Variants in AFF2 observed in about 807,000 individuals in gnomAD.
The protein encoded by AFF2 is AF4/FMR2 family member 2.
Under a neutral mutation model 76.9 loss-of-function variants are expected in AFF2, and 14 were observed. That is an observed-to-expected ratio of 0.18 (90% CI 0.12 to 0.28). The LOEUF is 0.28. Ranked by LOEUF, AFF2 falls within the 10% of genes least tolerant of loss-of-function variation. The probability of loss-of-function intolerance (pLI) is 1.00; values close to 1 mark genes in which losing one functional copy is unlikely to be tolerated. For synonymous variants in AFF2, 398 were observed against 366.7 expected (o/e 1.09, Z -0.98); for missense variants, 868 against 1,001.1 (o/e 0.87, Z 1.79).
At chrX:148,652,269 AT>A (rs1220165295) in intron 2 of AFF2, 138 bp downstream of exon 2, 6 of 457,710 alleles carry the variant, frequency 1.3e-5, no homozygotes, top group Non-Finnish European at 2.2e-5. Flanking sequence ...CATACACTGT[AT>A]TTGAGGCAAC....
chrX:148,517,558 C>A (rs1557233966), intron 1 of AFF2, among the ~76,000 whole-genome samples: 1 of 111,780 alleles, frequency 8.9e-6, no homozygotes, highest in African/African-American at 3.3e-5. Flanking sequence ...CATCTTAAGT[C>A]AAAATCTAAC....
intron 1 of AFF2, among the ~76,000 whole-genome samples, chrX:148,530,904 G>A (rs1019672182): frequency 1.4e-4 from 16 of 111,525 alleles, no homozygotes; most frequent in African/African-American, 5.2e-4. Flanking sequence ...TGTTTGGGTG[G>A]CTCTGCCAGG....
intron 3 of AFF2, among the ~76,000 whole-genome samples, chrX:148,778,084 G>A (rs1215828208): frequency 1.2e-4 from 13 of 111,754 alleles, no homozygotes; most frequent in Admixed American, 3.8e-4. Context: ...TTTATCAAAG[G>A]CCTTTTCTGC....
intron 3 of AFF2, among the ~76,000 whole-genome samples, chrX:148,721,825 T>C (rs1302525293): frequency 1.8e-5 from 2 of 112,084 alleles, no homozygotes; most frequent in Non-Finnish European, 3.8e-5. Flanking sequence ...CAGATTTTGG[T>C]AGCCCCGGGC....
At chrX:148,729,752 G>A (rs781872555) in intron 3 of AFF2, among the ~76,000 whole-genome samples, 3 of 112,120 alleles carry the variant, frequency 2.7e-5, no homozygotes, top group Admixed American at 9.4e-5. Flanking sequence ...GAGTGATCTC[G>A]CTAATTCGGG....
intron 1 of AFF2, among the ~76,000 whole-genome samples, chrX:148,510,707 G>C (rs782723620): frequency 2.7e-5 from 3 of 112,153 alleles, no homozygotes; most frequent in Non-Finnish European, 5.6e-5. Flanking sequence ...TCAAAAACCT[G>C]AACCTAATTC....
intron 3 of AFF2, among the ~76,000 whole-genome samples, chrX:148,663,897 C>T (rs1253998552): frequency 1.8e-5 from 2 of 111,728 alleles, no homozygotes; most frequent in Non-Finnish European, 3.8e-5. Flanking sequence ...GGGAGGGAGG[C>T]CTGGGGCTGT....
At chrX:148,673,301 G>C (rs782279857) in intron 3 of AFF2, among the ~76,000 whole-genome samples, 63 of 112,050 alleles carry the variant, frequency 5.6e-4, no homozygotes, top group Non-Finnish European at 9.6e-4. Context: ...AGATTTATTT[G>C]CTCACACTTC....
At chrX:148,661,022 C>T (rs1020301045) in intron 2 of AFF2, among the ~76,000 whole-genome samples, 2 of 112,312 alleles carry the variant, frequency 1.8e-5, no homozygotes, top group Non-Finnish European at 3.8e-5. Context: ...AGAACCAATA[C>T]ATCCTACAGG....
chrX:148,552,813 T>C (rs782146492), intron 1 of AFF2, among the ~76,000 whole-genome samples: 5 of 112,263 alleles, frequency 4.5e-5, no homozygotes, highest in Non-Finnish European at 9.4e-5. Flanking sequence ...CTCTAACATG[T>C]TTTATTCAAA....
At chrX:148,503,920 A>G (rs1264134203) in intron 1 of AFF2, among the ~76,000 whole-genome samples, 2 of 112,168 alleles carry the variant, frequency 1.8e-5, no homozygotes, top group African/African-American at 6.5e-5. Context: ...TGAATGAGCA[A>G]TGTTCACCTG....
At chrX:148,524,474 T>C (rs1458924390) in intron 1 of AFF2, among the ~76,000 whole-genome samples, 1 of 111,491 alleles carries the variant, frequency 9.0e-6, no homozygotes, top group Non-Finnish European at 1.9e-5. Context: ...CCAAAGGAAA[T>C]AATTTTTAAA....
intron 5 of AFF2, among the ~76,000 whole-genome samples, chrX:148,838,993 C>T (rs2070563552): frequency 8.9e-6 from 1 of 112,105 alleles, no homozygotes; most frequent in Admixed American, 9.5e-5. Context: ...TTCTGTTCTC[C>T]TTCCCCCTGG....
At chrX:148,624,593 G>A (rs1260247260) in intron 1 of AFF2, among the ~76,000 whole-genome samples, 3 of 111,935 alleles carry the variant, frequency 2.7e-5, no homozygotes, top group Non-Finnish European at 3.8e-5. Flanking sequence ...CTAGATTGTT[G>A]AAAATCAATG....
intron 1 of AFF2, among the ~76,000 whole-genome samples, chrX:148,502,356 T>C (rs2052363067): frequency 8.9e-6 from 1 of 112,578 alleles, no homozygotes; most frequent in Non-Finnish European, 1.9e-5. Context: ...TTAGGCAATT[T>C]CCTTCTTTAA....
At chrX:148,596,480 C>G (rs1245815439) in intron 1 of AFF2, among the ~76,000 whole-genome samples, 1 of 111,791 alleles carries the variant, frequency 8.9e-6, no homozygotes, top group Non-Finnish European at 1.9e-5. Flanking sequence ...AGAGCTAACC[C>G]AAATACAATA....
chrX:148,678,880 GT>G (rs1341263747), intron 3 of AFF2, among the ~76,000 whole-genome samples: 14 of 111,642 alleles, frequency 1.3e-4, no homozygotes, highest in African/African-American at 4.6e-4. Context: ...AGCCTTTAGA[GT>G]TTTAGAGTTT....
intron 13 of AFF2, among the ~76,000 whole-genome samples, chrX:148,965,828 C>T (rs782016345): frequency 4.7e-4 from 52 of 111,316 alleles, no homozygotes; most frequent in African/African-American, 1.6e-3. Context: ...AAGAGAACTG[C>T]GGAGTGAACT....
At chrX:148,967,730 G>A (rs1557289008) in intron 15 of AFF2, 38 bp downstream of exon 15, 1 of 1,152,232 alleles carries the variant, frequency 8.7e-7, no homozygotes, top group East Asian at 3.0e-5. Flanking sequence ...TTCCTATTAA[G>A]GATTTATGTT....
Sources: gnomAD v4.1 joint callset for allele counts (sites outside exome capture counted in the v4.1 genomes callset) on GRCh38, gnomAD v4.1.1 for gene constraint, MANE v1.5 for transcripts, NCBI Gene and HGNC (gene_info 2026-07-23, HGNC 2026-07-21) for gene names.